LRGUK: variants seen among roughly 807,000 people sequenced by gnomAD.
LRGUK encodes the protein leucine rich repeats and guanylate kinase domain containing.
LRGUK carries 65 observed loss-of-function variants against 76.0 expected under a neutral mutation model. The observed-to-expected ratio is 0.85, with a 90% CI of 0.70 to 1.05. The LOEUF (loss-of-function observed/expected upper bound fraction) is 1.05, where lower values mean the gene tolerates loss of function less well. Ranked by LOEUF, LRGUK falls within the 50% of genes least tolerant of loss-of-function variation. The pLI, the probability that LRGUK is intolerant of heterozygous loss-of-function variation, is 0.00. For synonymous variants in LRGUK, 268 were observed against 265.6 expected (o/e 1.01, Z -0.09); for missense variants, 758 against 732.8 (o/e 1.03, Z -0.40).
chr7:134,243,857 T>A (rs1456187607), intron 16 of LRGUK, among the ~76,000 whole-genome samples: 3 of 152,104 alleles, frequency 2.0e-5, no homozygotes, highest in African/African-American at 7.2e-5. Context: ...AACAGAGATA[T>A]AGACCAATGG....
chr7:134,197,425 C>G (rs1800544450), intron 13 of LRGUK, among the ~76,000 whole-genome samples: 1 of 152,202 alleles, frequency 6.6e-6, no homozygotes, highest in South Asian at 2.1e-4. Flanking sequence ...GAAACTGCCA[C>G]TCGAGCTTTA....
intron 18 of LRGUK, among the ~76,000 whole-genome samples, chr7:134,252,308 A>C (rs1434089039): frequency 3.9e-5 from 6 of 152,056 alleles, no homozygotes; most frequent in Non-Finnish European, 5.9e-5. Flanking sequence ...ATTGCATTCC[A>C]GCCTGAGTGA....
intron 7 of LRGUK, among the ~76,000 whole-genome samples, chr7:134,170,523 TA>T (rs1799195778): frequency 6.6e-6 from 1 of 152,068 alleles, no homozygotes; most frequent in African/African-American, 2.4e-5. Context: ...TCAGAATAAC[TA>T]AAAGAGTAGA....
rs372663063 is a variant in LRGUK, at chr7:134,139,569, G to A, written c.487+52G>A. The A allele has an allele frequency of 5.5e-5, 63 of 1,140,750 alleles. No individual in the cohort carries two copies. In the African/African-American group the frequency reaches 7.5e-4, roughly 14 times the overall value. The allele number at this position is 1,140,750 out of a possible 1,614,324, so 70.7% of individuals were successfully genotyped here. The stretch of plus-strand genomic sequence containing the variant: ...CACTGAATTATCTGAAAACTTAAAC[G>A]TTGCAGTATGTAATATGGTTTAATA... On this transcript the variant is annotated intron_variant, in intron 3 of 15. Transcript: ENST00000645682.
At chr7:134,128,092 C>G (rs1239086355) in intron 1 of LRGUK, among the ~76,000 whole-genome samples, 1 of 145,960 alleles carries the variant, frequency 6.9e-6, no homozygotes, top group Non-Finnish European at 1.5e-5. Context: ...GTTCTAGTCC[C>G]GTCAGCCTCC....
chr7:134,212,268 C>T (rs1801303165), downstream of LRGUK, among the ~76,000 whole-genome samples: 1 of 152,208 alleles, frequency 6.6e-6, no homozygotes, highest in Non-Finnish European at 1.5e-5. Flanking sequence ...TATGTATGGA[C>T]ACTATACTCC....
At chr7:134,129,170 C>T (rs1797169375) in intron 1 of LRGUK, among the ~76,000 whole-genome samples, 1 of 104,154 alleles carries the variant, frequency 9.6e-6, no homozygotes, top group East Asian at 3.4e-4. Context: ...TTCTTTCTTT[C>T]GTTTTTTCTT....
intron 16 of LRGUK, among the ~76,000 whole-genome samples, chr7:134,243,419 CAG>C (rs1181146112): frequency 6.6e-6 from 1 of 152,070 alleles, no homozygotes; most frequent in East Asian, 1.9e-4. Context: ...AACAGACAAA[CAG>C]AGAGTCAAAT....
chr7:134,206,576 A>G (rs558608021), intron 15 of LRGUK, among the ~76,000 whole-genome samples: 122 of 150,536 alleles, frequency 8.1e-4, no homozygotes, highest in African/African-American at 2.7e-3. Context: ...ATATGTGTGT[A>G]TGTGTGTGTG....
chr7:134,139,327 A>T, intron 2 of LRGUK, 109 bp from the exon 3 acceptor site: 1 of 705,190 alleles, frequency 1.4e-6, no homozygotes, highest in Non-Finnish European at 2.4e-6. Flanking sequence ...CTCTTCTTCT[A>T]TACTTGTGAA....
intron 4 of LRGUK, among the ~76,000 whole-genome samples, chr7:134,146,924 A>T (rs1797993611): frequency 6.6e-6 from 1 of 151,506 alleles, no homozygotes; most frequent in Non-Finnish European, 1.5e-5. Context: ...TGGTTCCAAA[A>T]CTTGAGTTTT....
intron 11 of LRGUK, among the ~76,000 whole-genome samples, chr7:134,186,556 A>G (rs1799987626): frequency 1.3e-5 from 2 of 152,262 alleles, no homozygotes; most frequent in African/African-American, 4.8e-5. Flanking sequence ...GGTGTGCAAC[A>G]GATCATATAA....
At chr7:134,157,499 G>A (rs1308417751) in intron 5 of LRGUK, among the ~76,000 whole-genome samples, 1 of 152,222 alleles carries the variant, frequency 6.6e-6, no homozygotes, top group Non-Finnish European at 1.5e-5. Flanking sequence ...GATTAAATGA[G>A]TCAGATACAA....
Position 134,162,170 on chromosome 7 carries a change from A to G in LRGUK, c.796-1227A>G, listed in dbSNP as rs151174932. Among the ~76,000 whole-genome samples the G allele has an allele frequency of 2.6e-3, 401 of 152,258 alleles. 2 individuals are homozygous for G. The highest frequency in any genetic ancestry group is 9.0e-3 in the African/African-American group (372 of 41,536). Reference sequence around the variant, plus strand: ...CCAGTTGTAGTGACTTGGAGAAATAACCATCCTATTAACTAACAATTCTGC... The same window carrying G: ...CCAGTTGTAGTGACTTGGAGAAATAGCCATCCTATTAACTAACAATTCTGC... On this transcript the variant is annotated intron_variant, in intron 6 of 15. Transcript: ENST00000645682.
rs150484033 is a variant in LRGUK at position 134,192,278 on chromosome 7, T to C, written c.1431+527T>C. Among the ~76,000 whole-genome samples the C allele has an allele frequency of 6.6e-3, 1,009 of 152,322 alleles. 12 individuals carry two copies. The highest frequency in any genetic ancestry group is 0.018 in the African/African-American group (740 of 41,570). ...TGTTCTGGACATGTTACCATGGTCA[T>C]GTTCCTGTTTGAGAAGTTCTCAGTC... On this transcript the variant is annotated intron_variant, in intron 12 of 15. Coordinates refer to ENST00000645682, the Ensembl canonical transcript of LRGUK.
At chr7:134,245,200 A>G (rs767509896) in intron 16 of LRGUK, among the ~76,000 whole-genome samples, 1 of 152,312 alleles carries the variant, frequency 6.6e-6, no homozygotes, top group Non-Finnish European at 1.5e-5. Context: ...AAAACAAACA[A>G]AAAACAAAAC....
chr7:134,210,414 A>G (rs949264373), downstream of LRGUK, among the ~76,000 whole-genome samples: 1 of 152,194 alleles, frequency 6.6e-6, no homozygotes, highest in African/African-American at 2.4e-5. Context: ...AAAAGGACCC[A>G]TACCAACCTC....
chr7:134,269,591 C>T (rs1030275913), downstream of LRGUK, among the ~76,000 whole-genome samples: 1 of 152,066 alleles, frequency 6.6e-6, no homozygotes, highest in African/African-American at 2.4e-5. Flanking sequence ...CTCAAGTGAT[C>T]TTCCTGCCTC....
At chr7:134,226,218 A>ATGTGTGTGTGTG (rs57035440) in intron 16 of LRGUK, among the ~76,000 whole-genome samples, 2,462 of 141,724 alleles carry the variant, frequency 0.017, 95 homozygotes, top group African/African-American at 0.065. Flanking sequence ...CCCATCTCCA[A>ATGTGTGTGTGTG]TGTGTGTGTG....
Sources: allele counts gnomAD v4.1 joint callset (sites outside exome capture counted in the v4.1 genomes callset), GRCh38; gene constraint gnomAD v4.1.1; transcripts MANE v1.5; gene names NCBI Gene and HGNC (gene_info 2026-07-23, HGNC 2026-07-21).